SZRD1: variants seen among roughly 807,000 people sequenced by gnomAD.
SZRD1 encodes SUZ RNA-binding domain-containing.
A neutral mutation model predicts 17.6 loss-of-function variants in SZRD1; 7 were observed. The observed-to-expected ratio is 0.40, with a 90% CI of 0.23 to 0.75. The LOEUF is 0.75. SZRD1 is among the 30% of genes least tolerant of loss of function. The pLI is 0.38. For synonymous variants in SZRD1, 77 were observed against 77.9 expected, an observed-to-expected ratio of 0.99 and a Z score of 0.06; for missense variants, 178 against 201.8, an observed-to-expected ratio of 0.88 and a Z score of 0.71.
rs1163752690 is a variant in SZRD1 at position 16,397,710 on chromosome 1, C to T, written c.*2570C>T. 1.3e-5 allele frequency: 2 copies of T among 152,686 alleles called. No homozygotes were observed. Among genetic ancestry groups the T allele is most frequent in the Non-Finnish European group, 2.9e-5 (2 of 68,440 alleles). 9.5% of individuals were successfully genotyped at this position (152,686 alleles called of 1,614,324 possible). The stretch of plus-strand genomic sequence containing the variant: ...TGGGGGGTCCAGGCCTGGTGACCAA[C>T]CTTTCTCAGCCCACTCAATCAGGGT... On this transcript the variant is annotated 3_prime_UTR_variant, in exon 4 of 4. Coordinates refer to ENST00000401088, the MANE Select transcript of SZRD1 (RefSeq NM_001114600.3). This position sits in a 1 kb window ranked among gnomAD's most constrained non-coding sequence, Gnocchi z 5.4.
intron 1 of SZRD1, among the ~76,000 whole-genome samples, chr1:16,374,561 C>T (rs1378570482): frequency 6.6e-6 from 1 of 152,124 alleles, no homozygotes; most frequent in African/African-American, 2.4e-5. Flanking sequence ...GGATTTAGTG[C>T]GTCTTTCTAA....
intron 1 of SZRD1, among the ~76,000 whole-genome samples, chr1:16,377,442 G>A: frequency 6.6e-6 from 1 of 151,828 alleles, no homozygotes; most frequent in East Asian, 1.9e-4. Flanking sequence ...AAAATGAGCG[G>A]GACGTGGTCG....
chr1:16,376,355 T>C (rs2083002649), intron 1 of SZRD1, among the ~76,000 whole-genome samples: 1 of 152,214 alleles, frequency 6.6e-6, no homozygotes. Flanking sequence ...ATAAACTGCA[T>C]CTGAGAAATT....
intron 1 of SZRD1, among the ~76,000 whole-genome samples, chr1:16,374,422 T>C (rs1422584673): frequency 5.9e-5 from 9 of 152,330 alleles, no homozygotes; most frequent in Admixed American, 5.9e-4. Context: ...TCTCAGCCCT[T>C]TTTTCATTGG....
chr1:16,391,483 C>A lies in SZRD1; in HGVS notation c.101+59C>A. 7.1e-7 allele frequency: 1 copy of A among 1,408,928 alleles called. No individual in the cohort carries two copies. Among genetic ancestry groups the A allele is most frequent in the Non-Finnish European group, 9.8e-7 (1 of 1,023,052 alleles). 87.3% of individuals were successfully genotyped at this position (1,408,928 alleles called of 1,614,324 possible). A position where few individuals can be genotyped will look rare whatever the true frequency, so the allele number is the denominator to read the frequency against. On this transcript the variant is annotated intron_variant, in intron 2 of 3. Transcript: ENST00000401088. The surrounding 1 kb of genome is among the most constrained non-coding windows in gnomAD (Gnocchi z 4.3). ...CTCTGTGGTTTGAGAGCCGGGCAGTCAGTGGTGTTCTCCAGCTGGCCATTA... is the reference window on the plus strand; with the variant it reads ...CTCTGTGGTTTGAGAGCCGGGCAGTAAGTGGTGTTCTCCAGCTGGCCATTA...
At chr1:16,374,508 C>A (rs568808987) in intron 1 of SZRD1, among the ~76,000 whole-genome samples, 27 of 152,304 alleles carry the variant, frequency 1.8e-4, no homozygotes, top group African/African-American at 6.3e-4. Context: ...CTAGAAATTC[C>A]AGCAATCACA....
Position 16,396,397 on chromosome 1 carries a change from G to GAC in SZRD1, c.*1258_*1259dup, listed in dbSNP as rs2085312050. Reference sequence around the variant, plus strand: ...CTTTGCTTTGCAAAGATTGATGACAGACTGGTTCCTCAGAGGCCTAGGCTA... The same window carrying GAC: ...CTTTGCTTTGCAAAGATTGATGACAGACACTGGTTCCTCAGAGGCCTAGGCTA... On this transcript the variant is annotated 3_prime_UTR_variant, in exon 4 of 4. Coordinates refer to ENST00000401088, the MANE Select transcript of SZRD1 (RefSeq NM_001114600.3). 6.6e-6 allele frequency: 1 copy of GAC among 152,236 alleles called. No individual in the cohort carries two copies. The highest frequency in any genetic ancestry group is 1.5e-5 in the Non-Finnish European group (1 of 68,066). The allele number at this position is 152,236 out of a possible 1,614,324, so 9.4% of individuals were successfully genotyped here.
At chr1:16,394,703 C>T (rs2085278307) in intron 3 of SZRD1, among the ~76,000 whole-genome samples, 1 of 150,224 alleles carries the variant, frequency 6.7e-6, no homozygotes, top group Admixed American at 6.8e-5. Context: ...TGCAGTAATC[C>T]CAGTACTTTG....
chr1:16,380,495 C>T lies in SZRD1; in HGVS notation c.52-10880C>T, dbSNP rs570449088. 6.6e-4 allele frequency among the ~76,000 whole-genome samples: 100 copies of T among 151,176 alleles called. No individual in the cohort carries two copies. The South Asian group carries it at 7.8e-3, about 12-fold the overall frequency. ...TATTTTTTTTTTTGAGATGGAGTTT[C>T]TCTCTTGCTGCCCAGGCTACTGGAG... On this transcript the variant is annotated intron_variant, in intron 1 of 3. Coordinates refer to ENST00000401088, the MANE Select transcript of SZRD1 (RefSeq NM_001114600.3).
At chr1:16,381,497 C>T (rs1163644196) in intron 1 of SZRD1, among the ~76,000 whole-genome samples, 2 of 147,318 alleles carry the variant, frequency 1.4e-5, no homozygotes, top group African/African-American at 2.5e-5. Flanking sequence ...GTGGAGGTTG[C>T]AGTGAGCTGA....
At chr1:16,377,067 AC>A (rs1365005573) in intron 1 of SZRD1, among the ~76,000 whole-genome samples, 1 of 151,702 alleles carries the variant, frequency 6.6e-6, no homozygotes, top group African/African-American at 2.4e-5. Context: ...ATCCTCCTTT[AC>A]CTGTTGTTAC....
intron 1 of SZRD1, among the ~76,000 whole-genome samples, chr1:16,380,766 C>G (rs2083087724): frequency 6.6e-6 from 1 of 152,108 alleles, no homozygotes; most frequent in Non-Finnish European, 1.5e-5. Context: ...CCGTGCGTGG[C>G]CACCTGATAA....
chr1:16,393,140 G>A lies in SZRD1; in HGVS notation c.102-88G>A. The A allele has an allele frequency of 2.6e-6, 4 of 1,514,530 alleles. No homozygotes were observed. The South Asian group carries it at 3.7e-5, about 14-fold the overall frequency. The allele number at this position is 1,514,530 out of a possible 1,614,324, so 93.8% of individuals were successfully genotyped here. ...GCATGGGTAGAATTAGGGAGGGAGA[G>A]GAAAGTGATGAGAGGTGGGTGTGGG... On this transcript the variant is annotated intron_variant, in intron 2 of 3. Coordinates refer to ENST00000401088, the MANE Select transcript of SZRD1 (RefSeq NM_001114600.3). The surrounding 1 kb of genome is among the most constrained non-coding windows in gnomAD (Gnocchi z 5.6).
intron 1 of SZRD1, chr1:16,369,108 T>G: frequency 2.7e-6 from 1 of 366,362 alleles, no homozygotes; most frequent in Non-Finnish European, 4.9e-6. Context: ...GTTCCCAAGT[T>G]TTATTGAAAA....
chr1:16,395,330 C>G lies in SZRD1; in HGVS notation c.*190C>G, dbSNP rs2085293314. On this transcript the variant is annotated 3_prime_UTR_variant, in exon 4 of 4. Coordinates refer to ENST00000401088, the MANE Select transcript of SZRD1 (RefSeq NM_001114600.3). Reference sequence around the variant, plus strand: ...TGCACTGTGACCTCCCCCCTTCTCCCCCTTCCCACTGTGATTGGCACATCG... The same window carrying G: ...TGCACTGTGACCTCCCCCCTTCTCCGCCTTCCCACTGTGATTGGCACATCG... The G allele has an allele frequency of 3.2e-6, 2 of 630,194 alleles. No homozygotes were observed. The highest frequency in any genetic ancestry group is 2.8e-5 in the East Asian group (1 of 35,138). 39.0% of individuals were successfully genotyped at this position (630,194 alleles called of 1,614,324 possible).
Position 16,389,147 on chromosome 1 carries a change from G to A in SZRD1, c.52-2228G>A, listed in dbSNP as rs1400992449. On this transcript the variant is annotated intron_variant, in intron 1 of 3. Coordinates refer to ENST00000401088, the MANE Select transcript of SZRD1 (RefSeq NM_001114600.3). ...CGCCCAGGCTGGAGTGCAGTGGCAC[G>A]ATCTCAGCTCACTGCAAGCTCCACC... 4.5e-5 allele frequency among the ~76,000 whole-genome samples: 6 copies of A among 132,624 alleles called. 1 individual carries two copies. Among genetic ancestry groups the A allele is most frequent in the African/African-American group, 1.7e-4 (6 of 34,954 alleles). 87.0% of individuals were successfully genotyped at this position (132,624 alleles called of 152,430 possible). A position where few individuals can be genotyped will look rare whatever the true frequency, so the allele number is the denominator to read the frequency against.
At chr1:16,392,174 G>A (rs530450279) in intron 2 of SZRD1, among the ~76,000 whole-genome samples, 2 of 152,152 alleles carry the variant, frequency 1.3e-5, no homozygotes, top group South Asian at 2.1e-4. Flanking sequence ...CAGCAACCAC[G>A]CTAACCCTGG....
intron 1 of SZRD1, 28 bp downstream of exon 1, chr1:16,367,336 G>A (rs1215415381): frequency 6.5e-7 from 1 of 1,546,238 alleles, no homozygotes; most frequent in African/African-American, 1.4e-5. Flanking sequence ...TCCCATGGCA[G>A]GGCCGGGCGA....
intron 1 of SZRD1, among the ~76,000 whole-genome samples, chr1:16,379,736 T>G (rs896272684): frequency 6.6e-6 from 1 of 151,378 alleles, no homozygotes; most frequent in Non-Finnish European, 1.5e-5. Flanking sequence ...TCAAGATATA[T>G]CTATAAAATC....
Sources: allele counts gnomAD v4.1 joint callset (sites outside exome capture counted in the v4.1 genomes callset), GRCh38; gene constraint gnomAD v4.1.1; non-coding constraint Gnocchi (gnomAD v3.1); transcripts MANE v1.5; gene names NCBI Gene and HGNC (gene_info 2026-07-23, HGNC 2026-07-21).